The following IGSF1 variants were observed in gnomAD, a reference collection of about 807,000 sequenced individuals.
The protein encoded by IGSF1 is immunoglobulin-like domain-containing protein 1.
Under a neutral mutation model 95.3 loss-of-function variants are expected in IGSF1, and 40 were observed. That is an observed-to-expected ratio of 0.42 (90% CI 0.33 to 0.55). The LOEUF (loss-of-function observed/expected upper bound fraction) is 0.55, where lower values mean the gene tolerates loss of function less well. IGSF1 is among the 20% of genes least tolerant of loss of function. The pLI is 0.10. For synonymous variants in IGSF1, 372 were observed against 382.9 expected (o/e 0.97, Z 0.33); for missense variants, 906 against 1,025.4 (o/e 0.88, Z 1.59).
intron 9 of IGSF1, 37 bp from the exon 10 acceptor site, chrX:131,279,378 G>A: frequency 8.9e-7 from 1 of 1,122,180 alleles, no homozygotes; most frequent in Non-Finnish European, 1.2e-6. Flanking sequence ...GGAGTTGCTG[G>A]GATGAGGGGG....
At chrX:131,279,830 T>C (rs1245370964) in intron 9 of IGSF1, among the ~76,000 whole-genome samples, 2 of 111,708 alleles carry the variant, frequency 1.8e-5, no homozygotes, top group Middle Eastern at 4.6e-3. Context: ...CTCACCTGCC[T>C]TTGTTATGGA....
At chrX:131,288,848 T>G (rs1270217038) in intron 1 of IGSF1, among the ~76,000 whole-genome samples, 3 of 108,306 alleles carry the variant, frequency 2.8e-5, no homozygotes, top group African/African-American at 1.0e-4. Context: ...CCGCAGTGCT[T>G]TTGAGGGTGA....
chrX:131,287,395 C>A (rs1026360079), intron 1 of IGSF1, among the ~76,000 whole-genome samples: 1 of 109,983 alleles, frequency 9.1e-6, no homozygotes, highest in Non-Finnish European at 1.9e-5. Context: ...CCAGAGGTAC[C>A]CTTCACTCCC....
Position 131,278,724 on chromosome X carries a change from T to A in IGSF1, c.1778A>T (p.Glu593Val), listed in dbSNP as rs754650052. The A allele has an allele frequency of 2.5e-6, 3 of 1,211,083 alleles. No individual in the cohort carries two copies. In the East Asian group the frequency reaches 8.9e-5, roughly 36 times the overall value. The change falls in exon 12 of 20, where the codon GAG (glutamate) becomes GTG (valine). Residue 593 changes from glutamate to valine, a missense_variant. Glu to Val is a moderately radical substitution (Grantham distance 121). Around this residue, in one of 5 missense-constraint regions of IGSF1, gnomAD observed 3 missense variants for 16.8 expected, o/e 0.18. Transcript: ENST00000361420. The part of the protein sequence containing the change: ...TEIVMPTPKP[E>V]LWAETNFPLA... ...AGGAAAGTTGGTCTCTGCCCACAGC[T>A]CAGGCTTAGGGGTTGGCATGACTAT...
At chrX:131,278,275 T>G in intron 12 of IGSF1, 141 bp from the exon 13 acceptor site, 1 of 722,349 alleles carries the variant, frequency 1.4e-6, no homozygotes, top group Non-Finnish European at 2.0e-6. Flanking sequence ...TCACACTCTC[T>G]TTCCCATTCC....
intron 1 of IGSF1, among the ~76,000 whole-genome samples, chrX:131,288,074 T>G (rs2080667263): frequency 8.9e-6 from 1 of 111,874 alleles, no homozygotes; most frequent in African/African-American, 3.3e-5. Flanking sequence ...ATATCTGGAC[T>G]GTAGGGAACA....
In IGSF1 at chrX:131,285,832, C is replaced by T. The variant is rs146648451; in HGVS notation, c.314G>A (p.Arg105Gln). The T allele has an allele frequency of 6.4e-5, 77 of 1,208,644 alleles. No individual in the cohort carries two copies. The highest frequency in any genetic ancestry group is 2.4e-4 in the Admixed American group (11 of 45,743). The change falls in exon 4 of 20, where the codon CGG becomes CAG. Residue 105 changes from arginine to glutamine, a missense_variant. Coordinates refer to ENST00000361420, the MANE Select transcript of IGSF1 (RefSeq NM_001555.5). ...GCCTGTCTCCTTCCAGTAGCAGCAC[C>T]GGTAAAGACCTGCATTGGACTCAGT... Reference protein sequence around the residue: ...ALTESNAGLYRCCYWKETGWS... With the variant: ...ALTESNAGLYQCCYWKETGWS...
intron 1 of IGSF1, among the ~76,000 whole-genome samples, chrX:131,287,065 A>ATATACGTATGTT (rs1411674089): frequency 7.4e-5 from 8 of 108,512 alleles, no homozygotes. Context: ...GCATATATAT[A>ATATACGTATGTT]TATATACGTA....
intron 17 of IGSF1, 52 bp downstream of exon 17, chrX:131,274,947 A>G: frequency 8.4e-7 from 1 of 1,195,994 alleles, no homozygotes; most frequent in Non-Finnish European, 1.1e-6. Context: ...CTTATTGCTT[A>G]CTGCTAAAAA....
intron 5 of IGSF1, 113 bp downstream of exon 5, chrX:131,285,066 C>T (rs758082229): frequency 9.1e-7 from 1 of 1,102,523 alleles, no homozygotes; most frequent in African/African-American, 1.8e-5. Context: ...GCTCATGGGG[C>T]CTTGCAGGGC....
chrX:131,278,239 GC>G, intron 12 of IGSF1, 105 bp from the exon 13 acceptor site: 3 of 858,090 alleles, frequency 3.5e-6, no homozygotes, highest in Non-Finnish European at 5.0e-6. Flanking sequence ...TTCTGGGCTG[GC>G]CCTAGGCTCT....
rs1193053763 is a variant in IGSF1 at position 131,285,476 on chromosome X, TA to T, written c.380-11del. On this transcript the variant is annotated splice_polypyrimidine_tract_variant and intron_variant, in intron 4 of 19. Transcript: ENST00000361420. ...GGCTTGGGCAGTTGGCCTGGAAGGA[TA>T]GAATGAACTGGAATTAGGTAAAGCA... 8.4e-7 allele frequency: 1 copy of T among 1,196,134 alleles called. No individual in the cohort carries two copies. Among genetic ancestry groups the T allele is most frequent in the Non-Finnish European group, 1.1e-6 (1 of 888,071 alleles).
intron 1 of IGSF1, among the ~76,000 whole-genome samples, chrX:131,287,835 C>A (rs1255892010): frequency 1.8e-5 from 2 of 111,740 alleles, no homozygotes; most frequent in African/African-American, 6.5e-5. Flanking sequence ...CACGCAAACT[C>A]AAGCTAATTC....
chrX:131,286,731 G>T lies in IGSF1; in HGVS notation c.-57C>A. The T allele has an allele frequency of 1.0e-6, 1 of 1,004,105 alleles. No individual in the cohort carries two copies. The highest frequency in any genetic ancestry group is 1.3e-6 in the Non-Finnish European group (1 of 746,254). The allele number at this position is 1,004,105 out of a possible 1,213,427, so 82.7% of individuals were successfully genotyped here. On this transcript the variant is annotated 5_prime_UTR_variant, in exon 2 of 20. In the 5' UTR this introduces an upstream ATG that the reference lacks. Coordinates refer to ENST00000361420, the MANE Select transcript of IGSF1 (RefSeq NM_001555.5). ...TCTTGAAGAATTTTTCTCCTCAGCAGGTGGTGGGATCTAAAAGCAGAATTG... is the reference window on the plus strand; with the variant it reads ...TCTTGAAGAATTTTTCTCCTCAGCATGTGGTGGGATCTAAAAGCAGAATTG...
chrX:131,283,535 A>G (rs1349015936), intron 5 of IGSF1, among the ~76,000 whole-genome samples: 2 of 111,949 alleles, frequency 1.8e-5, no homozygotes, highest in Non-Finnish European at 3.8e-5. Context: ...AATTCCCTGT[A>G]TCTTTAGGCC....
chrX:131,277,746 G>C (rs2080495248), intron 13 of IGSF1, 110 bp downstream of exon 13: 1 of 879,027 alleles, frequency 1.1e-6, no homozygotes, highest in African/African-American at 2.0e-5. Flanking sequence ...TTGGACACAG[G>C]CTCTCAGGAC....
At chrX:131,287,132 CGT>C (rs1569408321) in intron 1 of IGSF1, among the ~76,000 whole-genome samples, 43 of 95,455 alleles carry the variant, frequency 4.5e-4, no homozygotes, top group African/African-American at 1.6e-3. Context: ...TGTATATATA[CGT>C]ATATATGTGT....
At chrX:131,280,966 G>C in intron 9 of IGSF1, 1 of 304,534 alleles carries the variant, frequency 3.3e-6, no homozygotes, top group Non-Finnish European at 5.9e-6. Context: ...CACCCTCCGG[G>C]GGGGATGTCA....
At position 131,281,730 on chromosome X, in the gene IGSF1, G is replaced by A. The variant is rs149158944; in HGVS notation, c.1461C>T (p.Arg487=). 3.8e-5 allele frequency: 46 copies of A among 1,208,698 alleles called. 1 individual carries two copies. Among genetic ancestry groups the A allele is most frequent in the South Asian group, 1.9e-4 (11 of 56,721 alleles). The change falls in exon 8 of 20, where the codon CGC becomes CGT. Residue 487 remains arginine, a synonymous_variant. Coordinates refer to ENST00000361420, the MANE Select transcript of IGSF1 (RefSeq NM_001555.5). The part of the protein sequence containing the change: ...KGTGTYSCSY[R]VETHPNIWSH... ...ACCAGATGTTAGGATGTGTCTCTAC[G>A]CGATAGCTGCAACTGTAGGTCCCTG... is the stretch of plus-strand genomic sequence containing the variant.
Sources: allele counts gnomAD v4.1 joint callset (sites outside exome capture counted in the v4.1 genomes callset), GRCh38; gene constraint gnomAD v4.1.1; regional missense constraint gnomAD v4.1.1; transcripts MANE v1.5; gene names NCBI Gene and HGNC (gene_info 2026-07-23, HGNC 2026-07-21).